Variants in CCDC57 observed in about 807,000 individuals in gnomAD.
The protein encoded by CCDC57 is coiled-coil domain-containing protein 57.
Under a neutral mutation model 118.9 loss-of-function variants are expected in CCDC57, and 118 were observed. That is an observed-to-expected ratio of 0.99 (90% CI 0.86 to 1.16). The LOEUF (loss-of-function observed/expected upper bound fraction) is 1.16, where lower values mean the gene tolerates loss of function less well. CCDC57 is among the 50% of genes most tolerant of loss of function. The pLI, the probability that CCDC57 is intolerant of heterozygous loss-of-function variation, is 0.00. For synonymous variants in CCDC57, 527 were observed against 532.9 expected, an observed-to-expected ratio of 0.99 and a Z score of 0.15; for missense variants, 1,300 against 1,320.7, an observed-to-expected ratio of 0.98 and a Z score of 0.24.
At chr17:82,180,829 C>T (rs1022039606) in intron 9 of CCDC57, among the ~76,000 whole-genome samples, 3 of 152,128 alleles carry the variant, frequency 2.0e-5, no homozygotes, top group Non-Finnish European at 4.4e-5. Flanking sequence ...ATCTTTAACA[C>T]AACACAGCAG....
At chr17:82,167,907 C>A (rs981246585) in intron 13 of CCDC57, among the ~76,000 whole-genome samples, 1 of 152,230 alleles carries the variant, frequency 6.6e-6, no homozygotes, top group Non-Finnish European at 1.5e-5. Context: ...TGAGCCACGG[C>A]GCCCGGCCTG....
At chr17:82,103,004 A>C (rs1034549077) in intron 19 of CCDC57, among the ~76,000 whole-genome samples, 9 of 152,190 alleles carry the variant, frequency 5.9e-5, no homozygotes, top group Non-Finnish European at 1.0e-4. Context: ...AATGTGGCCC[A>C]GTGGGCAGTC....
exon 4 of CCDC57, chr17:82,198,364 G>C (rs2048552443): frequency 6.2e-7 from 1 of 1,613,616 alleles, no homozygotes; most frequent in Non-Finnish European, 8.5e-7. Context: ...TTTCTCTCCA[G>C]TGTCCATTTT....
chr17:82,120,606 G>A (rs1367853589), intron 19 of CCDC57, among the ~76,000 whole-genome samples: 3 of 152,170 alleles, frequency 2.0e-5, no homozygotes, highest in Non-Finnish European at 2.9e-5. Flanking sequence ...ATTCAGTTAA[G>A]CATGCTCAAA....
At chr17:82,109,434 A>T (rs1369470052) in intron 19 of CCDC57, among the ~76,000 whole-genome samples, 3 of 152,276 alleles carry the variant, frequency 2.0e-5, no homozygotes, top group African/African-American at 2.4e-5. Flanking sequence ...GTAAAACAAG[A>T]ATGTAGGAAA....
intron 19 of CCDC57, among the ~76,000 whole-genome samples, chr17:82,123,196 C>T (rs1308986947): frequency 2.8e-5 from 4 of 144,506 alleles, no homozygotes; most frequent in Non-Finnish European, 6.0e-5. Flanking sequence ...TGTGTAATCA[C>T]AGCTCACTGC....
intron 11 of CCDC57, among the ~76,000 whole-genome samples, 173 bp from the exon 11 acceptor site, chr17:82,173,033 G>A (rs2044967827): frequency 6.6e-6 from 1 of 152,082 alleles, no homozygotes; most frequent in South Asian, 2.1e-4. Flanking sequence ...TGACAGAAGT[G>A]CAAATATGAC....
rs547200814 is a variant in CCDC57 at position 82,201,743 on chromosome 17, C to T, written c.202G>A (p.Asp68Asn). ...GCGTCATAGCGCTCCAGCTCGAGGT[C>T]CCGCTCCTCCAGCACCTGAAGGTTG... The change falls in exon 3 of 20, where the codon GAC becomes AAC. Residue 68 changes from aspartate (D) to asparagine (N), a missense_variant. Transcript: ENST00000665763. 1.3e-4 allele frequency: 212 copies of T among 1,613,966 alleles called. 1 individual carries two copies. In the South Asian group the frequency reaches 2.0e-3, roughly 15 times the overall value.
At chr17:82,131,560 G>A (rs1189745840) in intron 17 of CCDC57, among the ~76,000 whole-genome samples, 1 of 152,068 alleles carries the variant, frequency 6.6e-6, no homozygotes, top group Admixed American at 6.6e-5. Flanking sequence ...GAGTGACACG[G>A]TGAAACCCTG....
In CCDC57 at chr17:82,190,904, AC is replaced by A. The variant is rs1290059427; in HGVS notation, c.852-2486del. Among the ~76,000 whole-genome samples the A allele has an allele frequency of 3.3e-5, 5 of 150,084 alleles. No homozygotes were observed. In the East Asian group the frequency reaches 9.9e-4, roughly 30 times the overall value. ...AAGGATGTCAATGCTGTGGCCGAAAACCCCCCAGAAAGAAGAACATCCTGAA... is the reference window on the plus strand; with the variant it reads ...AAGGATGTCAATGCTGTGGCCGAAAACCCCCAGAAAGAAGAACATCCTGAA... On this transcript the variant is annotated intron_variant, in intron 7 of 19. Transcript: ENST00000665763.
intron 2 of CCDC57, among the ~76,000 whole-genome samples, chr17:82,202,879 T>A (rs2049162122): frequency 6.6e-6 from 1 of 152,232 alleles, no homozygotes; most frequent in African/African-American, 2.4e-5. Context: ...ACTCTGTCCA[T>A]TTCACAGCTG....
At chr17:82,187,736 G>A (rs1190527526) in intron 8 of CCDC57, among the ~76,000 whole-genome samples, 1 of 96,224 alleles carries the variant, frequency 1.0e-5, no homozygotes, top group Admixed American at 1.0e-4. Flanking sequence ...CGGCGTTGGG[G>A]GAACTGGCGG....
intron 19 of CCDC57, among the ~76,000 whole-genome samples, chr17:82,114,173 A>G (rs11867806): frequency 0.24 from 36,020 of 152,160 alleles, 4,973 homozygotes; most frequent in Non-Finnish European, 0.31. Context: ...ACTGTTCTTC[A>G]CTGTCCCCGT....
At chr17:82,157,485 G>A (rs1046300810) in intron 15 of CCDC57, 2 of 1,409,068 alleles carry the variant, frequency 1.4e-6, no homozygotes, top group Non-Finnish European at 1.8e-6. Flanking sequence ...CTGAAGGGAG[G>A]ACTGGGATGG....
intron 19 of CCDC57, among the ~76,000 whole-genome samples, chr17:82,124,637 T>C (rs1188170157): frequency 6.6e-6 from 1 of 151,642 alleles, no homozygotes; most frequent in Non-Finnish European, 1.5e-5. Context: ...TACAAAAAAC[T>C]AAAACAATCT....
At chr17:82,195,470 A>G (rs2048188142) in intron 4 of CCDC57, 106 bp from the exon 4 acceptor site, 2 of 818,248 alleles carry the variant, frequency 2.4e-6, no homozygotes, top group Admixed American at 4.0e-5. Context: ...ACAGTGTTTA[A>G]CAGAGAAGGA....
At chr17:82,175,700 T>TCGGAACA (rs1022040135) in intron 11 of CCDC57, 3 of 152,192 alleles carry the variant, frequency 2.0e-5, no homozygotes, top group Admixed American at 6.5e-5. Flanking sequence ...TCTGACCACC[T>TCGGAACA]CGGAACACGT....
At chr17:82,154,023 G>A (rs1279098857) in intron 15 of CCDC57, 1 of 152,536 alleles carries the variant, frequency 6.6e-6, no homozygotes. Flanking sequence ...CCTCTCGGCA[G>A]AGCCAGCACC....
chr17:82,128,492 C>T lies in CCDC57; in HGVS notation c.2682+1G>A. ...ACTTGCTCGGGCGCCGCCACTCTCA[C>T]CTTCGGGCCTTGCAGGGCGTCAAGT... On this transcript the variant is annotated splice_donor_variant, in intron 18 of 19. Transcript: ENST00000665763. LOFTEE classifies it high-confidence loss of function. The T allele has an allele frequency of 6.4e-7, 1 of 1,553,090 alleles. No homozygotes were observed. The highest frequency in any genetic ancestry group is 2.4e-5 in the East Asian group (1 of 41,724).
Sources: gnomAD v4.1 joint callset for allele counts (sites outside exome capture counted in the v4.1 genomes callset) on GRCh38, gnomAD v4.1.1 for gene constraint, MANE v1.5 for transcripts, NCBI Gene and HGNC (gene_info 2026-07-23, HGNC 2026-07-21) for gene names.